APLF: variants seen among roughly 807,000 people sequenced by gnomAD.
The protein encoded by APLF is aprataxin and PNKP like factor, also known as aprataxin and PNK-like factor.
In APLF, 61 loss-of-function variants were observed where a neutral mutation model predicts 55.6. That is an observed-to-expected ratio of 1.10 (90% CI 0.89 to 1.36). The LOEUF (loss-of-function observed/expected upper bound fraction) is 1.36. APLF is among the 40% of genes most tolerant of loss of function. APLF has a pLI of 0.00. For synonymous variants in APLF, 207 were observed against 214.8 expected (o/e 0.96, Z 0.32); for missense variants, 611 against 602.5 (o/e 1.01, Z -0.15).
At chr2:68,556,603 C>T (rs1373685538) in intron 8 of APLF, among the ~76,000 whole-genome samples, 1 of 152,126 alleles carries the variant, frequency 6.6e-6, no homozygotes, top group African/African-American at 2.4e-5. Flanking sequence ...TTGAATTAAG[C>T]ACTTATCTTA....
intron 5 of APLF, among the ~76,000 whole-genome samples, chr2:68,518,622 G>T (rs1477360769): frequency 8.4e-6 from 1 of 119,228 alleles, no homozygotes; most frequent in East Asian, 2.4e-4. Context: ...AATATATCAT[G>T]AATATATAAT....
chr2:68,471,399 G>A (rs1361033007), intron 1 of APLF, among the ~76,000 whole-genome samples: 2 of 152,178 alleles, frequency 1.3e-5, no homozygotes, highest in Non-Finnish European at 2.9e-5. Flanking sequence ...GAGTATAGGA[G>A]AAATAAAGGT....
Position 68,538,093 on chromosome 2 carries a change from G to A in APLF, c.1026G>A (p.Gly342=), listed in dbSNP as rs754062853. 1.2e-6 allele frequency: 2 copies of A among 1,613,950 alleles called. No homozygotes were observed. The highest frequency in any genetic ancestry group is 2.2e-5 in the East Asian group (1 of 44,882). ...ACTCACTTCAGGATGAGTCTCAAGG[G>A]TCTCATTCTGAGTCCAGCTCTAATC... ...QGDSLQDESQ[G]SHSESSSNPS... Residue 342 remains glycine (G), a synonymous_variant, in exon 7 of 10, where the codon GGG becomes GGA. Transcript: ENST00000303795.
In APLF at chr2:68,474,858, C is replaced by G. The variant is rs140419291; in HGVS notation, c.96+7031C>G. On this transcript the variant is annotated intron_variant, in intron 1 of 9. Coordinates refer to ENST00000303795, the MANE Select transcript of APLF (RefSeq NM_173545.3). ...TGATTTTGTATTTTTAATAGAGACACGGTTTCTCTATGTTGATCAGGCTGG... is the reference window on the plus strand; with the variant it reads ...TGATTTTGTATTTTTAATAGAGACAGGGTTTCTCTATGTTGATCAGGCTGG... Among the ~76,000 whole-genome samples, 984 of 152,164 alleles carry G rather than the reference C, an allele frequency of 6.5e-3. 7 individuals carry two copies. The highest frequency in any genetic ancestry group is 0.023 in the African/African-American group (937 of 41,508).
At chr2:68,538,892 G>A (rs921019856) in intron 7 of APLF, among the ~76,000 whole-genome samples, 2 of 152,000 alleles carry the variant, frequency 1.3e-5, no homozygotes, top group African/African-American at 4.8e-5. Flanking sequence ...AAATATCCTA[G>A]CAATCCTTTC....
Position 68,524,016 on chromosome 2 carries a change from G to A in APLF, c.623-2045G>A, listed in dbSNP as rs191353784. 2.2e-3 allele frequency among the ~76,000 whole-genome samples: 331 copies of A among 151,948 alleles called. 3 individuals carry two copies. Among genetic ancestry groups the A allele is most frequent in the African/African-American group, 7.0e-3 (292 of 41,492 alleles). On this transcript the variant is annotated intron_variant, in intron 5 of 9. Coordinates refer to ENST00000303795, the MANE Select transcript of APLF (RefSeq NM_173545.3). ...ATATTTTTTAATTTTAGAATTTTGA[G>A]TACATGTGTATCACTTGGAATATAT... is the stretch of plus-strand genomic sequence containing the variant.
At chr2:68,531,364 A>G (rs776014827) in intron 6 of APLF, 1 of 152,212 alleles carries the variant, frequency 6.6e-6, no homozygotes, top group Non-Finnish European at 1.5e-5. Context: ...GTAAAACCAA[A>G]GGAAGAGGAT....
chr2:68,526,454 C>T (rs939846120), intron 6 of APLF, among the ~76,000 whole-genome samples: 10 of 152,110 alleles, frequency 6.6e-5, no homozygotes, highest in African/African-American at 2.2e-4. Context: ...CTAACTATGG[C>T]GACCGCCACG....
intron 1 of APLF, among the ~76,000 whole-genome samples, chr2:68,476,136 A>G (rs1191474313): frequency 6.6e-6 from 1 of 151,908 alleles, no homozygotes; most frequent in Non-Finnish European, 1.5e-5. Context: ...ATTGTGAAGT[A>G]TTGTGTAAAG....
At chr2:68,539,376 T>C (rs1434039641) in intron 7 of APLF, among the ~76,000 whole-genome samples, 2 of 152,248 alleles carry the variant, frequency 1.3e-5, no homozygotes, top group African/African-American at 2.4e-5. Context: ...TGTTTTCTCC[T>C]GAGACCTCTT....
At chr2:68,503,283 T>A (rs1478989324) in intron 3 of APLF, among the ~76,000 whole-genome samples, 4 of 152,150 alleles carry the variant, frequency 2.6e-5, no homozygotes, top group African/African-American at 9.6e-5. Flanking sequence ...TATTAACTTC[T>A]GACTTACACT....
At chr2:68,493,972 G>A (rs1573171746) in intron 2 of APLF, among the ~76,000 whole-genome samples, 4 of 152,242 alleles carry the variant, frequency 2.6e-5, no homozygotes, top group Admixed American at 2.6e-4. Flanking sequence ...TCCAGGCGTG[G>A]TGGCGGGTGC....
At chr2:68,574,830 G>T (rs1222657624) in intron 9 of APLF, among the ~76,000 whole-genome samples, 2 of 152,302 alleles carry the variant, frequency 1.3e-5, no homozygotes, top group Middle Eastern at 6.8e-3. Flanking sequence ...TATATTGACT[G>T]GCAGGCTAGT....
chr2:68,545,164 C>G (rs776919701), intron 7 of APLF, 23 bp from the exon 8 acceptor site: 42 of 1,596,040 alleles, frequency 2.6e-5, no homozygotes, highest in Middle Eastern at 1.7e-4. Context: ...TTTTTTCTGA[C>G]AGTATATTTG....
At position 68,580,077 on chromosome 2, in the gene APLF, G is replaced by T. The variant is rs1392374774; in HGVS notation, c.*2055G>T. On this transcript the variant is annotated 3_prime_UTR_variant, in exon 10 of 10. Coordinates refer to ENST00000303795, the MANE Select transcript of APLF (RefSeq NM_173545.3). ...ATAGTTCATGGTAGCTGCTTTTAAC[G>T]ATACAGTTTTAATGCAACTTTCATA... 1 of 940,746 alleles carries T rather than the reference G, an allele frequency of 1.1e-6. No homozygotes were observed. The highest frequency in any genetic ancestry group is 1.8e-5 in the African/African-American group (1 of 56,286). 58.3% of individuals were successfully genotyped at this position (940,746 alleles called of 1,614,324 possible).
chr2:68,475,805 G>A lies in APLF; in HGVS notation c.96+7978G>A, dbSNP rs1675753110. On this transcript the variant is annotated intron_variant, in intron 1 of 9. Transcript: ENST00000303795. ...GAATGCATGCTGGACTTGGCACTGG[G>A]AAGATATCTAGATAAGACAATTTTA... is the stretch of plus-strand genomic sequence containing the variant. Among the ~76,000 whole-genome samples the A allele has an allele frequency of 2.0e-5, 3 of 151,934 alleles. No homozygotes were observed. In the South Asian group the frequency reaches 6.2e-4, roughly 32 times the overall value.
intron 6 of APLF, among the ~76,000 whole-genome samples, chr2:68,531,753 A>G (rs1670263679): frequency 6.6e-6 from 1 of 152,228 alleles, no homozygotes; most frequent in African/African-American, 2.4e-5. Flanking sequence ...GAAAATCTGT[A>G]GTATACGTGT....
chr2:68,568,530 G>T (rs1307739572), intron 9 of APLF, among the ~76,000 whole-genome samples: 1 of 152,096 alleles, frequency 6.6e-6, no homozygotes, highest in African/African-American at 2.4e-5. Context: ...ATCTCATGGT[G>T]TGGCAGTTAT....
At chr2:68,493,160 T>G (rs1428528645) in intron 2 of APLF, among the ~76,000 whole-genome samples, 2 of 152,204 alleles carry the variant, frequency 1.3e-5, no homozygotes, top group Non-Finnish European at 2.9e-5. Context: ...TGATCTGTCT[T>G]AACAAGAAGT....
Sources: gnomAD v4.1 joint callset for allele counts (sites outside exome capture counted in the v4.1 genomes callset) on GRCh38, gnomAD v4.1.1 for gene constraint, MANE v1.5 for transcripts, NCBI Gene and HGNC (gene_info 2026-07-23, HGNC 2026-07-21) for gene names.